STT3B: variants seen among roughly 807,000 people sequenced by gnomAD.
STT3B encodes dolichyl-diphosphooligosaccharide--protein glycosyltransferase subunit STT3B.
A neutral mutation model predicts 96.8 loss-of-function variants in STT3B; 29 were observed. The ratio of observed to expected loss-of-function variants is 0.30; its 90% CI spans 0.22 to 0.41. The LOEUF is 0.41. Among genes scored for constraint, STT3B ranks in the 10% least tolerant of loss-of-function variants. The pLI, the probability that STT3B is intolerant of heterozygous loss-of-function variation, is 1.00. For missense variants in STT3B, 640 were observed against 1,022.3 expected (o/e 0.63, Z 5.10); for synonymous variants, 367 against 360.0 (o/e 1.02, Z -0.22).
intron 1 of STT3B, among the ~76,000 whole-genome samples, chr3:31,559,148 TG>T (rs1559365145): frequency 2.0e-4 from 4 of 19,826 alleles, no homozygotes; most frequent in Non-Finnish European, 4.6e-4. Flanking sequence ...ATTCTTGGGG[TG>T]TGTGTGTGTG....
chr3:31,582,924 T>A (rs537611292), intron 3 of STT3B, among the ~76,000 whole-genome samples: 4 of 152,238 alleles, frequency 2.6e-5, no homozygotes, highest in Non-Finnish European at 5.9e-5. Flanking sequence ...TTTAAATCTA[T>A]TGAAATTAAT....
At chr3:31,576,252 C>A in intron 1 of STT3B, 144 bp from the exon 2 acceptor site, 9 of 372,056 alleles carry the variant, frequency 2.4e-5, no homozygotes, top group Admixed American at 4.7e-5. Flanking sequence ...TAAGCATGTT[C>A]TTTTGATATC....
At chr3:31,569,616 T>C (rs1360635707) in intron 1 of STT3B, among the ~76,000 whole-genome samples, 1 of 152,178 alleles carries the variant, frequency 6.6e-6, no homozygotes, top group Non-Finnish European at 1.5e-5. Context: ...TCAAAACAGA[T>C]TCTTTTATTA....
chr3:31,619,623 G>T, intron 8 of STT3B, 53 bp from the exon 9 acceptor site: 1 of 1,469,206 alleles, frequency 6.8e-7, no homozygotes, highest in Middle Eastern at 2.0e-4. Flanking sequence ...CATCTAAAAG[G>T]AACTCCTGTT....
chr3:31,588,196 A>G (rs1698588160), intron 3 of STT3B, among the ~76,000 whole-genome samples: 2 of 152,084 alleles, frequency 1.3e-5, no homozygotes, highest in Non-Finnish European at 2.9e-5. Flanking sequence ...GAGCAATACT[A>G]CTTTCCAATA....
intron 5 of STT3B, among the ~76,000 whole-genome samples, chr3:31,612,317 A>G (rs752907966): frequency 2.6e-5 from 4 of 152,218 alleles, no homozygotes; most frequent in African/African-American, 4.8e-5. Context: ...AAAAAATGTG[A>G]AAAATAGGTA....
At chr3:31,601,576 G>A (rs1698928887) in intron 5 of STT3B, among the ~76,000 whole-genome samples, 1 of 152,188 alleles carries the variant, frequency 6.6e-6, no homozygotes, top group Non-Finnish European at 1.5e-5. Context: ...AAGTAGATTA[G>A]TGGTTGCCTG....
intron 1 of STT3B, among the ~76,000 whole-genome samples, chr3:31,562,322 T>C (rs1697899966): frequency 6.6e-6 from 1 of 152,028 alleles, no homozygotes. Flanking sequence ...GATGCATGAG[T>C]ATGGGTCCTA....
intron 3 of STT3B, among the ~76,000 whole-genome samples, chr3:31,582,233 TC>T (rs1188790918): frequency 6.6e-6 from 1 of 151,908 alleles, no homozygotes; most frequent in African/African-American, 2.4e-5. Flanking sequence ...TCTGTTATAG[TC>T]TTTATTATTT....
chr3:31,571,157 G>A (rs546526978), intron 1 of STT3B, among the ~76,000 whole-genome samples: 2 of 152,134 alleles, frequency 1.3e-5, no homozygotes, highest in Non-Finnish European at 2.9e-5. Flanking sequence ...ACATGAACAG[G>A]CAGCTCTAAT....
At chr3:31,619,235 C>T (rs1448401931) in intron 8 of STT3B, among the ~76,000 whole-genome samples, 1 of 152,088 alleles carries the variant, frequency 6.6e-6, no homozygotes. Context: ...ATTAGAGATG[C>T]TGAACTGGTA....
At chr3:31,585,483 A>G (rs890543042) in intron 3 of STT3B, among the ~76,000 whole-genome samples, 9 of 152,280 alleles carry the variant, frequency 5.9e-5, no homozygotes, top group South Asian at 2.1e-4. Context: ...GCACCAGAGT[A>G]TATGATTCAG....
intron 1 of STT3B, among the ~76,000 whole-genome samples, chr3:31,545,133 A>G (rs953593447): frequency 2.6e-5 from 4 of 152,220 alleles, no homozygotes; most frequent in Non-Finnish European, 5.9e-5. Flanking sequence ...GATGAAATAA[A>G]TCTAATCTTA....
chr3:31,616,955 G>A lies in STT3B; in HGVS notation c.1003G>A (p.Ala335Thr), dbSNP rs753757676. Residue 335 changes from alanine (A) to threonine (T), a missense_variant, in exon 7 of 16, where the codon GCT (alanine) becomes ACT (threonine). Physicochemically the swap from Ala to Thr is moderately conservative, Grantham distance 58 (BLOSUM62 0). Coordinates refer to ENST00000295770, the MANE Select transcript of STT3B (RefSeq NM_178862.3). Reference protein sequence around the residue: ...AGVFALLQAYAFLQYLRDRLT... With the variant: ...AGVFALLQAYTFLQYLRDRLT... ...TGTCTTTGCATTGCTGCAAGCTTAT[G>A]CTTTCTTGCAGTATCTGAGAGACCG... 7.4e-6 allele frequency: 12 copies of A among 1,610,742 alleles called. No individual in the cohort carries two copies. Among genetic ancestry groups the A allele is most frequent in the Non-Finnish European group, 1.0e-5 (12 of 1,177,640 alleles).
intron 1 of STT3B, among the ~76,000 whole-genome samples, chr3:31,556,096 C>T (rs1390187952): frequency 6.6e-6 from 1 of 152,098 alleles, no homozygotes; most frequent in Non-Finnish European, 1.5e-5. Flanking sequence ...ATCTGTCTAC[C>T]TCACTGAGAT....
At chr3:31,554,235 A>G (rs1697637992) in intron 1 of STT3B, among the ~76,000 whole-genome samples, 1 of 152,158 alleles carries the variant, frequency 6.6e-6, no homozygotes, top group South Asian at 2.1e-4. Context: ...TGAAAACTCA[A>G]TATTAATCTT....
At chr3:31,597,865 T>C (rs1043573165) in intron 4 of STT3B, among the ~76,000 whole-genome samples, 36 of 150,742 alleles carry the variant, frequency 2.4e-4, no homozygotes, top group Non-Finnish European at 4.1e-4. Flanking sequence ...AGACAGAGTC[T>C]GGCTCTGTTG....
intron 14 of STT3B, among the ~76,000 whole-genome samples, chr3:31,631,170 A>C (rs1016302485): frequency 7.9e-5 from 12 of 152,190 alleles, no homozygotes; most frequent in African/African-American, 2.7e-4. Flanking sequence ...CAGAATAGTT[A>C]GCATATACTG....
chr3:31,590,181 A>C (rs1410988322), intron 3 of STT3B, among the ~76,000 whole-genome samples: 1 of 151,896 alleles, frequency 6.6e-6, no homozygotes, highest in Non-Finnish European at 1.5e-5. Flanking sequence ...ATCTGTAGTG[A>C]TGTCACCTTC....
Sources: allele counts gnomAD v4.1 joint callset (sites outside exome capture counted in the v4.1 genomes callset), GRCh38; gene constraint gnomAD v4.1.1; transcripts MANE v1.5; gene names NCBI Gene and HGNC (gene_info 2026-07-23, HGNC 2026-07-21).